SEC16B: variants seen among roughly 807,000 people sequenced by gnomAD.
SEC16B encodes the protein protein transport protein Sec16B.
A neutral mutation model predicts 141.8 loss-of-function variants in SEC16B; 115 were observed. The ratio of observed to expected loss-of-function variants is 0.81; its 90% CI spans 0.70 to 0.95. The LOEUF is 0.95. Ranked by LOEUF, SEC16B falls within the 40% of genes least tolerant of loss-of-function variation. The pLI is 0.00. For missense variants in SEC16B, 1,291 were observed against 1,312.3 expected, an observed-to-expected ratio of 0.98 and a Z score of 0.25; for synonymous variants, 493 against 492.5, an observed-to-expected ratio of 1.00 and a Z score of -0.01.
At chr1:177,937,542 T>G in intron 18 of SEC16B, 29 bp from the exon 19 acceptor site, 1 of 1,474,872 alleles carries the variant, frequency 6.8e-7, no homozygotes, top group Non-Finnish European at 9.0e-7. Flanking sequence ...GGTAAAGAAG[T>G]CAGACCTGAA....
chr1:177,930,029 G>A (rs1650298448), intron 25 of SEC16B, 100 bp from the exon 26 acceptor site: 6 of 1,148,180 alleles, frequency 5.2e-6, no homozygotes, highest in Non-Finnish European at 7.5e-6. Context: ...GAGCCTCTGT[G>A]TAGAACATTT....
In SEC16B at chr1:177,981,240, C is replaced by A. The variant is rs142611522; in HGVS notation, c.-59+2966G>T. Among the ~76,000 whole-genome samples the A allele has an allele frequency of 2.6e-3, 397 of 152,166 alleles. 3 individuals carry two copies. Among genetic ancestry groups the A allele is most frequent in the Admixed American group, 5.8e-3 (89 of 15,266 alleles). ...TTTACTTTTATGAACTTCCCTGCCC[C>A]CTCTCAGTTTATTTGCCATGTGTGA... On this transcript the variant is annotated intron_variant and NMD_transcript_variant, in intron 1 of 24. Coordinates refer to the SEC16B transcript ENST00000528461.
At chr1:177,961,276 A>T in intron 6 of SEC16B, 1 of 443,924 alleles carries the variant, frequency 2.3e-6, no homozygotes, top group Non-Finnish European at 4.0e-6. Context: ...CAAAGCAATG[A>T]AGCTTTGCAT....
intron 7 of SEC16B, 55 bp downstream of exon 7, chr1:177,960,736 G>T: frequency 6.6e-7 from 1 of 1,524,062 alleles, no homozygotes; most frequent in Non-Finnish European, 8.8e-7. Context: ...AAGCATGTTA[G>T]GAGTAGTTGG....
At chr1:177,965,804 T>G (rs1488691040) in intron 3 of SEC16B, 89 bp downstream of exon 3, 5 of 738,726 alleles carry the variant, frequency 6.8e-6, no homozygotes, top group African/African-American at 5.3e-5. Flanking sequence ...GGTGAGGGTC[T>G]GAACATGGCT....
intron 16 of SEC16B, 56 bp from the exon 17 acceptor site, chr1:177,940,770 G>A: frequency 8.2e-7 from 1 of 1,226,724 alleles, no homozygotes; most frequent in Admixed American, 1.8e-5. Flanking sequence ...AGAGGAGAGA[G>A]AGGGAAGAGA....
chr1:177,948,202 G>A (rs1651883129), intron 12 of SEC16B, among the ~76,000 whole-genome samples: 11 of 152,156 alleles, frequency 7.2e-5, no homozygotes, highest in Admixed American at 7.2e-4. Context: ...TAAATAAAAT[G>A]ACATTGCTCA....
Position 177,937,123 on chromosome 1 carries a change from C to A in SEC16B, c.2503+91G>T, listed in dbSNP as rs1021764201. 8.6e-6 allele frequency: 12 copies of A among 1,394,786 alleles called. No individual in the cohort carries two copies. The Admixed American group carries it at 1.7e-4, about 20-fold the overall frequency. 86.4% of individuals were successfully genotyped at this position (1,394,786 alleles called of 1,614,324 possible). On this transcript the variant is annotated intron_variant, in intron 19 of 25. Coordinates refer to ENST00000308284, the MANE Select transcript of SEC16B (RefSeq NM_033127.4). ...GTGTCTTTCCCAGCTCCAACCCTAC[C>A]TCCTCTGACTGGTCCCACCACCTCC...
chr1:177,981,044 T>C (rs1654389605), intron 1 of SEC16B, among the ~76,000 whole-genome samples: 1 of 151,644 alleles, frequency 6.6e-6, no homozygotes, highest in Non-Finnish European at 1.5e-5. Flanking sequence ...ACAAGAAGAG[T>C]GGAGTGTAGA....
intron 1 of SEC16B, among the ~76,000 whole-genome samples, chr1:177,979,692 A>G (rs920329461): frequency 5.9e-5 from 9 of 152,244 alleles, no homozygotes; most frequent in Admixed American, 3.3e-4. Flanking sequence ...TGGGCAATTT[A>G]CAAAAGAAAG....
chr1:177,939,134 G>GA (rs1308851997), intron 18 of SEC16B, among the ~76,000 whole-genome samples: 5 of 152,248 alleles, frequency 3.3e-5, no homozygotes, highest in Admixed American at 3.3e-4. Context: ...GCTGGGAAGA[G>GA]ACGGGGGCCC....
intron 25 of SEC16B, 88 bp from the exon 26 acceptor site, chr1:177,930,017 C>A: frequency 7.8e-7 from 1 of 1,287,034 alleles, no homozygotes; most frequent in Non-Finnish European, 1.1e-6. Context: ...CTAGGGCACC[C>A]TGAGCCTCTG....
At chr1:177,982,245 T>C (rs1047135793) in intron 1 of SEC16B, among the ~76,000 whole-genome samples, 1 of 152,146 alleles carries the variant, frequency 6.6e-6, no homozygotes, top group Admixed American at 6.6e-5. Flanking sequence ...GTTTGGTGGG[T>C]AGTCGGTTGG....
chr1:177,976,242 C>T (rs750201736), intron 1 of SEC16B, among the ~76,000 whole-genome samples: 3 of 152,150 alleles, frequency 2.0e-5, no homozygotes, highest in Non-Finnish European at 2.9e-5. Flanking sequence ...CTCTATGCTT[C>T]CTTATTAGCC....
chr1:177,959,259 G>A lies in SEC16B; in HGVS notation c.999-284C>T, dbSNP rs1304602665. On this transcript the variant is annotated intron_variant, in intron 8 of 25. Transcript: ENST00000308284. Reference sequence around the variant, plus strand: ...AGGAAAGCAAGTAAAAGCAGACTTTGGAGTCAGACAACCCTGGATCTAAAT... The same window carrying A: ...AGGAAAGCAAGTAAAAGCAGACTTTAGAGTCAGACAACCCTGGATCTAAAT... 21 of 415,530 alleles carry A rather than the reference G, an allele frequency of 5.1e-5. No homozygotes were observed. In the East Asian group the frequency reaches 1.1e-3, roughly 22 times the overall value. The allele number at this position is 415,530 out of a possible 1,614,324, so 25.7% of individuals were successfully genotyped here. A position where few individuals can be genotyped will look rare whatever the true frequency, so the allele number is the denominator to read the frequency against.
rs764883793 is a variant in SEC16B at position 177,946,461 on chromosome 1, G to A, written c.1734C>T (p.Thr578=). The part of the protein sequence containing the change: ...LMAHVPFGHY[T]VKTDHLVLLG... ...GCAAGACCAGATGGTCTGTCTTCAC[G>A]GTGTAGTGGCCAAAGGGCACGTGAG... Residue 578 remains threonine, a synonymous_variant, in exon 14 of 26, where the codon ACC becomes ACT. Transcript: ENST00000308284. 14 of 1,582,840 alleles carry A rather than the reference G, an allele frequency of 8.8e-6. No individual in the cohort carries two copies. The Admixed American group carries it at 1.3e-4, about 14-fold the overall frequency.
In SEC16B at chr1:177,960,374, C is replaced by T; in HGVS notation, c.966G>A (p.Glu322=). 6.2e-7 allele frequency: 1 copy of T among 1,605,564 alleles called. No homozygotes were observed. Among genetic ancestry groups the T allele is most frequent in the African/African-American group, 1.3e-5 (1 of 74,968 alleles). ...AGGGTCCTGAGAAACTTCTCATCTC[C>T]TCTTGCTCTTCGGAATCATTAAGAA... ...EVILNDSEEQ[E]EMRSFSGPLI... Residue 322 remains glutamate (E), a synonymous_variant, in exon 8 of 26, where the codon GAG becomes GAA. Transcript: ENST00000308284.
intron 1 of SEC16B, among the ~76,000 whole-genome samples, chr1:177,982,904 T>A (rs1054793035): frequency 1.3e-5 from 2 of 152,158 alleles, no homozygotes; most frequent in Non-Finnish European, 2.9e-5. Context: ...AAATAGATAT[T>A]TAAGATGAGT....
chr1:177,961,814 T>C (rs1278081670), intron 5 of SEC16B, 80 bp from the exon 6 acceptor site: 19 of 1,290,868 alleles, frequency 1.5e-5, no homozygotes, highest in Non-Finnish European at 2.0e-5. Flanking sequence ...AGAAACAAAA[T>C]ACATACGGTG....
Sources: gnomAD v4.1 joint callset for allele counts (sites outside exome capture counted in the v4.1 genomes callset) on GRCh38, gnomAD v4.1.1 for gene constraint, MANE v1.5 for transcripts, NCBI Gene and HGNC (gene_info 2026-07-23, HGNC 2026-07-21) for gene names.